Variants in AUTS2 observed in about 807,000 individuals in gnomAD.
The protein encoded by AUTS2 is autism susceptibility gene 2 protein.
Under a neutral mutation model 112.4 loss-of-function variants are expected in AUTS2, and 17 were observed. That is an observed-to-expected ratio of 0.15 (90% CI 0.10 to 0.23). AUTS2 has a LOEUF of 0.23. Among genes scored for constraint, AUTS2 ranks in the 10% least tolerant of loss-of-function variants. The pLI, the probability that AUTS2 is intolerant of heterozygous loss-of-function variation, is 1.00. For synonymous variants in AUTS2, 751 were observed against 702.7 expected (o/e 1.07, Z -1.09); for missense variants, 1,510 against 1,701.6 (o/e 0.89, Z 1.98).
At chr7:69,600,203 C>G (rs1792307424) in intron 1 of AUTS2, among the ~76,000 whole-genome samples, 1 of 152,086 alleles carries the variant, frequency 6.6e-6, no homozygotes, top group Admixed American at 6.5e-5. Context: ...CCCTGCGCCC[C>G]CTCCCTGCAC....
chr7:70,047,676 G>A (rs1418137007), intron 2 of AUTS2, among the ~76,000 whole-genome samples: 1 of 152,028 alleles, frequency 6.6e-6, no homozygotes, highest in Non-Finnish European at 1.5e-5. Context: ...GGACATAGAT[G>A]GTATAATAAC....
intron 6 of AUTS2, among the ~76,000 whole-genome samples, chr7:70,755,426 A>G (rs969717642): frequency 2.0e-5 from 3 of 152,146 alleles, no homozygotes; most frequent in Non-Finnish European, 4.4e-5. Flanking sequence ...GCACTTTGGG[A>G]GGCCGAGGCG....
intron 4 of AUTS2, among the ~76,000 whole-genome samples, chr7:70,135,719 C>T (rs923839860): frequency 5.3e-5 from 8 of 152,084 alleles, no homozygotes; most frequent in African/African-American, 1.7e-4. Flanking sequence ...CTGCTTAATA[C>T]AGTTAGCACA....
chr7:70,142,510 T>G (rs1806919353), intron 4 of AUTS2, among the ~76,000 whole-genome samples: 1 of 152,232 alleles, frequency 6.6e-6, no homozygotes, highest in Admixed American at 6.5e-5. Flanking sequence ...AGTCCTGATT[T>G]CAACGGAGTG....
In AUTS2 at chr7:70,378,029, G is replaced by A. The variant is rs570660797; in HGVS notation, c.661-57723G>A. Among the ~76,000 whole-genome samples, 5 of 151,958 alleles carry A rather than the reference G, an allele frequency of 3.3e-5. No homozygotes were observed. In the East Asian group the frequency reaches 7.8e-4, roughly 24 times the overall value. On this transcript the variant is annotated intron_variant, in intron 4 of 18. Transcript: ENST00000342771. ...CTGACCTTGTGATCCGCCCATCTCA[G>A]CCTCCCAAAGTGCTGGTATTACAGG...
intron 1 of AUTS2, among the ~76,000 whole-genome samples, chr7:69,840,412 C>T (rs939845520): frequency 9.9e-5 from 15 of 152,184 alleles, no homozygotes; most frequent in African/African-American, 3.6e-4. Context: ...TTTATAAAAA[C>T]ACATACTTGT....
chr7:70,245,173 A>AAAAT lies in AUTS2; in HGVS notation c.660+110604_660+110605insATAA, dbSNP rs141683582. Among the ~76,000 whole-genome samples the AAAAT allele has an allele frequency of 3.8e-3, 470 of 123,838 alleles. 1 individual carries two copies. The highest frequency in any genetic ancestry group is 0.011 in the South Asian group (43 of 3,890). The allele number at this position is 123,838 out of a possible 152,430, so 81.2% of individuals were successfully genotyped here. On this transcript the variant is annotated intron_variant, in intron 4 of 18. Transcript: ENST00000342771. ...ATATATATATATATATATATATAAA[A>AAAAT]AATAAAAAATAAACAAAAATTAAAA...
intron 18 of AUTS2, among the ~76,000 whole-genome samples, 176 bp downstream of exon 18, chr7:70,787,607 A>T (rs1347038648): frequency 6.6e-6 from 1 of 152,122 alleles, no homozygotes; most frequent in Non-Finnish European, 1.5e-5. Flanking sequence ...GGCCCATAGC[A>T]TATGGTGACC....
chr7:69,835,928 T>C (rs1470899759), intron 1 of AUTS2, among the ~76,000 whole-genome samples: 1 of 152,220 alleles, frequency 6.6e-6, no homozygotes, highest in Non-Finnish European at 1.5e-5. Context: ...TATCAGAGTA[T>C]GGACACATTT....
At chr7:70,727,599 C>T (rs1356538215) in intron 6 of AUTS2, among the ~76,000 whole-genome samples, 3 of 152,194 alleles carry the variant, frequency 2.0e-5, no homozygotes, top group Admixed American at 1.3e-4. Context: ...CTGCCTGCCT[C>T]AGCCTCCCAA....
intron 2 of AUTS2, among the ~76,000 whole-genome samples, chr7:69,970,158 T>C (rs1797790748): frequency 6.6e-6 from 1 of 152,190 alleles, no homozygotes; most frequent in African/African-American, 2.4e-5. Flanking sequence ...TTTCTTGAAT[T>C]AGATTGGTGC....
At chr7:70,551,538 T>C (rs978247940) in intron 5 of AUTS2, among the ~76,000 whole-genome samples, 4 of 152,132 alleles carry the variant, frequency 2.6e-5, no homozygotes, top group Non-Finnish European at 5.9e-5. Context: ...ATAGAATAGC[T>C]CAATATTCCT....
In AUTS2 at chr7:70,126,401, T is replaced by A. The variant is rs145383380; in HGVS notation, c.625-8135T>A. 2.9e-3 allele frequency among the ~76,000 whole-genome samples: 443 copies of A among 152,184 alleles called. 3 individuals carry two copies. The highest frequency in any genetic ancestry group is 0.01 in the African/African-American group (429 of 41,520). On this transcript the variant is annotated intron_variant, in intron 3 of 18. Transcript: ENST00000342771. ...TCCAGCCTGGGTGACAGAGTGAGAC[T>A]CTGTCTTAAAAAAAAGAAGAAAAAC... is the stretch of plus-strand genomic sequence containing the variant.
At chr7:70,544,096 G>C (rs1010158165) in intron 5 of AUTS2, among the ~76,000 whole-genome samples, 6 of 152,140 alleles carry the variant, frequency 3.9e-5, no homozygotes, top group Non-Finnish European at 7.3e-5. Context: ...TCTCCAAAAG[G>C]CTCTAAATGA....
chr7:70,381,419 A>C (rs980591722), intron 4 of AUTS2, among the ~76,000 whole-genome samples: 2 of 152,232 alleles, frequency 1.3e-5, no homozygotes, highest in African/African-American at 4.8e-5. Flanking sequence ...TCAAGGAAAA[A>C]GTCAAATCAA....
At chr7:69,680,387 C>G (rs1428960959) in intron 1 of AUTS2, among the ~76,000 whole-genome samples, 3 of 152,138 alleles carry the variant, frequency 2.0e-5, no homozygotes, top group Non-Finnish European at 4.4e-5. Flanking sequence ...CTAGGCCTGT[C>G]TTTATCTACT....
At chr7:70,711,242 C>A (rs1810035210) in intron 6 of AUTS2, among the ~76,000 whole-genome samples, 1 of 152,160 alleles carries the variant, frequency 6.6e-6, no homozygotes, top group Non-Finnish European at 1.5e-5. Flanking sequence ...TGTATTAGCT[C>A]CAGGATAAAC....
intron 6 of AUTS2, among the ~76,000 whole-genome samples, chr7:70,699,939 T>G (rs1809354948): frequency 6.6e-6 from 1 of 152,292 alleles, no homozygotes; most frequent in South Asian, 2.1e-4. Flanking sequence ...CTTCTTCGTT[T>G]CTGCAGCCCC....
At chr7:70,345,509 C>G (rs1791455191) in intron 4 of AUTS2, among the ~76,000 whole-genome samples, 1 of 152,214 alleles carries the variant, frequency 6.6e-6, no homozygotes, top group African/African-American at 2.4e-5. Context: ...TGTAGCTTCT[C>G]ACCACCATGC....
Sources: allele counts gnomAD v4.1 joint callset (sites outside exome capture counted in the v4.1 genomes callset), GRCh38; gene constraint gnomAD v4.1.1; transcripts MANE v1.5; gene names NCBI Gene and HGNC (gene_info 2026-07-23, HGNC 2026-07-21).